RSPO3: variants seen among roughly 807,000 people sequenced by gnomAD.
The protein encoded by RSPO3 is R-spondin 3.
In RSPO3, 17 loss-of-function variants were observed where a neutral mutation model predicts 36.5. That is an observed-to-expected ratio of 0.47 (90% confidence interval 0.32 to 0.70). RSPO3 has a LOEUF of 0.70. Ranked by LOEUF, RSPO3 falls within the 30% of genes least tolerant of loss-of-function variation. The pLI is 0.04. For synonymous variants in RSPO3, 108 were observed against 107.0 expected, an observed-to-expected ratio of 1.01 and a Z score of -0.06; for missense variants, 294 against 322.5, an observed-to-expected ratio of 0.91 and a Z score of 0.68.
At chr6:127,192,025 C>A (rs1775421699) in intron 4 of RSPO3, among the ~76,000 whole-genome samples, 1 of 152,208 alleles carries the variant, frequency 6.6e-6, no homozygotes, top group Admixed American at 6.5e-5. Context: ...CACTTCTTCC[C>A]TCATCAGCCT....
At chr6:127,127,601 C>T (rs1284807655) in intron 1 of RSPO3, among the ~76,000 whole-genome samples, 1 of 152,044 alleles carries the variant, frequency 6.6e-6, no homozygotes, top group Non-Finnish European at 1.5e-5. Flanking sequence ...TCTTCATACC[C>T]ACCTGTAAGG....
At chr6:127,132,113 A>C (rs1774070263) in intron 1 of RSPO3, among the ~76,000 whole-genome samples, 1 of 151,724 alleles carries the variant, frequency 6.6e-6, no homozygotes, top group African/African-American at 2.4e-5. Flanking sequence ...CTCCCCCAAC[A>C]CCAGCCCCCT....
intron 1 of RSPO3, among the ~76,000 whole-genome samples, chr6:127,127,086 T>A (rs1324476725): frequency 2.6e-5 from 4 of 152,056 alleles, no homozygotes; most frequent in Non-Finnish European, 4.4e-5. Flanking sequence ...TATACCCCAA[T>A]ACAAAGCACA....
At chr6:127,133,818 T>C (rs1175197650) in intron 1 of RSPO3, among the ~76,000 whole-genome samples, 2 of 152,200 alleles carry the variant, frequency 1.3e-5, no homozygotes, top group Admixed American at 6.5e-5. Context: ...ATTTATTTAA[T>C]AGCTCTTTAT....
intron 1 of RSPO3, among the ~76,000 whole-genome samples, chr6:127,136,002 T>C (rs986886300): frequency 6.0e-5 from 9 of 151,142 alleles, no homozygotes; most frequent in African/African-American, 1.7e-4. Context: ...GTGTGAATTA[T>C]ATATGCAGCA....
At chr6:127,185,310 C>T (rs1775271167) in intron 4 of RSPO3, among the ~76,000 whole-genome samples, 1 of 151,972 alleles carries the variant, frequency 6.6e-6, no homozygotes, top group African/African-American at 2.4e-5. Flanking sequence ...TCTGCATTAC[C>T]TGCTATAGGT....
chr6:127,199,094 C>T lies in RSPO3; in HGVS notation c.*3087C>T, dbSNP rs75675327. Among the ~76,000 whole-genome samples, 2 of 152,246 alleles carry T rather than the reference C, an allele frequency of 1.3e-5. No homozygotes were observed. Among genetic ancestry groups the T allele is most frequent in the East Asian group, 3.9e-4 (2 of 5,176 alleles). The stretch of plus-strand genomic sequence containing the variant: ...GAGACAGCAAAGAAAATGGAAAGTG[C>T]ACTGGTGCTAGCGTTAGACAGCTTG... On this transcript the variant is annotated 3_prime_UTR_variant, in exon 5 of 5. Coordinates refer to ENST00000356698, the MANE Select transcript of RSPO3 (RefSeq NM_032784.5).
chr6:127,169,379 G>A (rs4620145), intron 4 of RSPO3, among the ~76,000 whole-genome samples: 70,205 of 151,544 alleles, frequency 0.46, 16,503 homozygotes, highest in East Asian at 0.53. Flanking sequence ...CATAGTGCTA[G>A]GCACACTAGG....
intron 1 of RSPO3, among the ~76,000 whole-genome samples, chr6:127,134,002 C>T (rs574995983): frequency 6.6e-6 from 1 of 151,986 alleles, no homozygotes; most frequent in Non-Finnish European, 1.5e-5. Flanking sequence ...CCGAATAGTA[C>T]CTCTTTTTTG....
rs542728698 is a variant in RSPO3 at position 127,178,844 on chromosome 6, C to A, written c.635-16979C>A. Among the ~76,000 whole-genome samples, 7 of 151,838 alleles carry A rather than the reference C, an allele frequency of 4.6e-5. 1 individual carries two copies. In the South Asian group the frequency reaches 1.5e-3, roughly 32 times the overall value. On this transcript the variant is annotated intron_variant, in intron 4 of 4. Transcript: ENST00000356698. ...TGGTTAGCTCAGAAGGCTTTACCAG[C>A]CAAAGAAAGTCTCTGAAAAGGGCAA...
At chr6:127,143,179 A>C (rs945242954) in intron 1 of RSPO3, among the ~76,000 whole-genome samples, 23 of 152,154 alleles carry the variant, frequency 1.5e-4, no homozygotes, top group African/African-American at 5.6e-4. Context: ...CTTTATTGAG[A>C]ACCTATTCAA....
At chr6:127,182,885 A>T (rs1775217144) in intron 4 of RSPO3, among the ~76,000 whole-genome samples, 1 of 152,052 alleles carries the variant, frequency 6.6e-6, no homozygotes, top group African/African-American at 2.4e-5. Flanking sequence ...TTAAAGGAAG[A>T]CTACATTCTC....
rs770370210 is a variant in RSPO3 at position 127,155,278 on chromosome 6, A to G, written c.474A>G (p.Pro158=). The G allele has an allele frequency of 1.9e-6, 3 of 1,613,844 alleles. No individual in the cohort carries two copies. Among genetic ancestry groups the G allele is most frequent in the Non-Finnish European group, 2.5e-6 (3 of 1,179,886 alleles). ...CEVSEWNPWS[P]CTKKGKTCGF... is the part of the protein sequence containing the mutation. ...TCAGTGAATGGAATCCTTGGAGTCC[A>G]TGCACGAAGAAGGGAAAAACATGTG... Residue 158 remains proline, a synonymous_variant, in exon 4 of 5, where the codon CCA becomes CCG. Transcript: ENST00000356698.
intron 1 of RSPO3, among the ~76,000 whole-genome samples, chr6:127,140,734 G>A (rs552185075): frequency 1.1e-4 from 17 of 152,284 alleles, no homozygotes; most frequent in African/African-American, 2.9e-4. Flanking sequence ...CAAGGGATGG[G>A]AGGATCTGGC....
At chr6:127,172,324 A>C (rs1184708353) in intron 4 of RSPO3, among the ~76,000 whole-genome samples, 3 of 151,410 alleles carry the variant, frequency 2.0e-5, no homozygotes, top group Non-Finnish European at 4.4e-5. Flanking sequence ...TCAGAAATTA[A>C]AAAAAATATC....
At chr6:127,170,511 A>T (rs2114616231) in intron 4 of RSPO3, among the ~76,000 whole-genome samples, 1 of 151,684 alleles carries the variant, frequency 6.6e-6, no homozygotes, top group East Asian at 1.9e-4. Context: ...TAATCCAGCA[A>T]TTTCATTTGA....
Position 127,129,972 on chromosome 6 carries a change from A to T in RSPO3, c.97+10683A>T, listed in dbSNP as rs183556639. Among the ~76,000 whole-genome samples, 281 of 152,288 alleles carry T rather than the reference A, an allele frequency of 1.8e-3. 1 individual carries two copies. The highest frequency in any genetic ancestry group is 6.4e-3 in the African/African-American group (265 of 41,570). The stretch of plus-strand genomic sequence containing the variant: ...TAACATTTGGCAACAAGAAAATGGT[A>T]GTACATTATATCAGACAAGCAATTC... On this transcript the variant is annotated intron_variant, in intron 1 of 4. Coordinates refer to ENST00000356698, the MANE Select transcript of RSPO3 (RefSeq NM_032784.5).
At chr6:127,147,616 T>G (rs1256017087) in intron 1 of RSPO3, among the ~76,000 whole-genome samples, 1 of 152,210 alleles carries the variant, frequency 6.6e-6, no homozygotes, top group Non-Finnish European at 1.5e-5. Context: ...GAGGTGATGA[T>G]GACTATTTAA....
chr6:127,176,775 C>A (rs888272056), intron 4 of RSPO3, among the ~76,000 whole-genome samples: 2 of 151,752 alleles, frequency 1.3e-5, no homozygotes, highest in African/African-American at 4.8e-5. Flanking sequence ...AATCAAAGTT[C>A]ATCTTCACTT....
Sources: allele counts gnomAD v4.1 joint callset (sites outside exome capture counted in the v4.1 genomes callset), GRCh38; gene constraint gnomAD v4.1.1; transcripts MANE v1.5; gene names NCBI Gene and HGNC (gene_info 2026-07-23, HGNC 2026-07-21).